PIBF1: variants seen among roughly 807,000 people sequenced by gnomAD.
PIBF1 encodes the protein progesterone immunomodulatory binding factor 1, also known as progesterone-induced-blocking factor 1.
A neutral mutation model predicts 112.5 loss-of-function variants in PIBF1; 90 were observed. That is an observed-to-expected ratio of 0.80 (90% CI 0.67 to 0.95). The LOEUF is 0.95. PIBF1 is among the 40% of genes least tolerant of loss of function. The pLI is 0.00. For missense variants in PIBF1, 915 were observed against 852.3 expected, an observed-to-expected ratio of 1.07 and a Z score of -0.92; for synonymous variants, 301 against 288.6, an observed-to-expected ratio of 1.04 and a Z score of -0.44.
intron 15 of PIBF1, among the ~76,000 whole-genome samples, chr13:72,971,187 T>A (rs866842388): frequency 1.8e-5 from 2 of 111,608 alleles, no homozygotes; most frequent in Non-Finnish European, 3.8e-5. Flanking sequence ...AGAGAGTGAG[T>A]GTGTGTGTGT....
chr13:72,954,427 C>A (rs115992267), intron 14 of PIBF1, among the ~76,000 whole-genome samples: 1 of 152,168 alleles, frequency 6.6e-6, no homozygotes, highest in African/African-American at 2.4e-5. Context: ...AATCATATTG[C>A]GAATCTCAGG....
At chr13:72,935,584 CGTAGGTGT>C (rs2041846334) in intron 14 of PIBF1, among the ~76,000 whole-genome samples, 1 of 152,076 alleles carries the variant, frequency 6.6e-6, no homozygotes, top group African/African-American at 2.4e-5. Context: ...CGGATCATAT[CGTAGGTGT>C]CTATTTGACA....
At chr13:72,893,311 A>G (rs2040133920) in intron 10 of PIBF1, among the ~76,000 whole-genome samples, 1 of 151,904 alleles carries the variant, frequency 6.6e-6, no homozygotes, top group Non-Finnish European at 1.5e-5. Flanking sequence ...ATATCAAAAT[A>G]TATGTATATG....
chr13:72,998,878 C>G lies in PIBF1; in HGVS notation c.2106C>G (p.Asn702Lys). 2 of 1,611,016 alleles carry G rather than the reference C, an allele frequency of 1.2e-6. No homozygotes were observed. The highest frequency in any genetic ancestry group is 2.2e-5 in the East Asian group (1 of 44,692). Residue 702 changes from asparagine to lysine, a missense_variant, in exon 17 of 18, where the codon AAC becomes AAG. Asn to Lys is a moderately conservative substitution (Grantham distance 94, BLOSUM62 0). Coordinates refer to ENST00000326291, the MANE Select transcript of PIBF1 (RefSeq NM_006346.4). ...LVKMHSKHSE[N>K]SLLLTKTEPK... ...AGATGCATAGTAAACATTCTGAGAACAGCTTACTTCTCACTAAAACAGAAC... is the reference window on the plus strand; with the variant it reads ...AGATGCATAGTAAACATTCTGAGAAGAGCTTACTTCTCACTAAAACAGAAC...
chr13:72,880,986 A>G (rs958168043), intron 10 of PIBF1: 18 of 152,212 alleles, frequency 1.2e-4, no homozygotes, highest in African/African-American at 4.3e-4. Context: ...CTGTTATTCA[A>G]CATTGTACTA....
intron 17 of PIBF1, among the ~76,000 whole-genome samples, chr13:73,001,376 G>A (rs936138935): frequency 6.6e-6 from 1 of 152,054 alleles, no homozygotes; most frequent in African/African-American, 2.4e-5. Flanking sequence ...TACCTAAAAT[G>A]AAAACATTTC....
chr13:72,954,939 G>T (rs1172983586), intron 14 of PIBF1, among the ~76,000 whole-genome samples: 1 of 152,182 alleles, frequency 6.6e-6, no homozygotes, highest in African/African-American at 2.4e-5. Context: ...CCCAGTATCT[G>T]CAGGTCACAG....
intron 5 of PIBF1, among the ~76,000 whole-genome samples, chr13:72,801,573 A>G (rs2035475788): frequency 6.6e-6 from 1 of 152,212 alleles, no homozygotes; most frequent in Non-Finnish European, 1.5e-5. Flanking sequence ...TCATAACTGC[A>G]TAAAATTAGC....
chr13:73,002,286 C>T (rs936749132), intron 17 of PIBF1, among the ~76,000 whole-genome samples: 10 of 152,160 alleles, frequency 6.6e-5, no homozygotes, highest in African/African-American at 2.2e-4. Flanking sequence ...TTAAAGTAAA[C>T]TACAGGGAGA....
At chr13:72,836,023 G>A (rs960516980) in intron 9 of PIBF1, 15 of 399,860 alleles carry the variant, frequency 3.8e-5, no homozygotes, top group Non-Finnish European at 6.9e-5. Context: ...GGCATGAACC[G>A]GGGACACAGA....
chr13:73,016,381 T>G lies in PIBF1; in HGVS notation c.*462T>G, dbSNP rs1338339746. ...ATACAGATTGTTGACTCTTTTGAAGTTGTTTTTTTCTTATATTTTATATTA... is the reference window on the plus strand; with the variant it reads ...ATACAGATTGTTGACTCTTTTGAAGGTGTTTTTTTCTTATATTTTATATTA... On this transcript the variant is annotated 3_prime_UTR_variant, in exon 18 of 18. Coordinates refer to ENST00000326291, the MANE Select transcript of PIBF1 (RefSeq NM_006346.4). 2 of 152,188 alleles carry G rather than the reference T, an allele frequency of 1.3e-5. No homozygotes were observed. The highest frequency in any genetic ancestry group is 6.5e-5 in the Admixed American group (1 of 15,272). The allele number at this position is 152,188 out of a possible 1,614,324, so 9.4% of individuals were successfully genotyped here.
At chr13:72,885,829 G>T (rs1433189092) in intron 10 of PIBF1, among the ~76,000 whole-genome samples, 1 of 151,974 alleles carries the variant, frequency 6.6e-6, no homozygotes, top group Non-Finnish European at 1.5e-5. Context: ...GGAGTCATCC[G>T]CATCCTTAGA....
rs141019060 is a variant in PIBF1 at position 72,943,249 on chromosome 13, C to T, written c.1833+11982C>T. Among the ~76,000 whole-genome samples the T allele has an allele frequency of 6.9e-3, 1,050 of 152,060 alleles. 14 individuals carry two copies. The highest frequency in any genetic ancestry group is 0.024 in the African/African-American group (1,013 of 41,482). ...AGAGAGGGTGGTTAATGGATGCAAA[C>T]ATAAAGTTAGATAGAAGGAATGAGT... On this transcript the variant is annotated intron_variant, in intron 14 of 17. Coordinates refer to ENST00000326291, the MANE Select transcript of PIBF1 (RefSeq NM_006346.4).
chr13:72,786,018 A>G (rs2034579633), intron 2 of PIBF1, among the ~76,000 whole-genome samples: 1 of 152,194 alleles, frequency 6.6e-6, no homozygotes, highest in East Asian at 1.9e-4. Flanking sequence ...CAGCCTTACT[A>G]AATTCCTTAA....
intron 15 of PIBF1, among the ~76,000 whole-genome samples, chr13:72,967,303 C>G (rs1018312350): frequency 5.3e-5 from 8 of 151,938 alleles, no homozygotes; most frequent in Non-Finnish European, 8.8e-5. Flanking sequence ...TATAAAAATC[C>G]TGAGGAAAAA....
At chr13:72,814,699 C>T (rs1461463877) in intron 5 of PIBF1, among the ~76,000 whole-genome samples, 1 of 151,008 alleles carries the variant, frequency 6.6e-6, no homozygotes, top group South Asian at 2.1e-4. Context: ...TAAAGCTATG[C>T]CAAAGGAAAA....
intron 5 of PIBF1, among the ~76,000 whole-genome samples, chr13:72,819,682 G>A (rs770232278): frequency 1.3e-5 from 2 of 151,998 alleles, no homozygotes; most frequent in African/African-American, 4.8e-5. Flanking sequence ...AGTCGACAAT[G>A]TATATAAAAT....
At chr13:72,911,791 A>G (rs541161932) in intron 12 of PIBF1, among the ~76,000 whole-genome samples, 1 of 152,286 alleles carries the variant, frequency 6.6e-6, no homozygotes, top group African/African-American at 2.4e-5. Context: ...TAAACAAAAG[A>G]AAATGATACC....
chr13:72,960,339 A>C (rs2042571719), intron 14 of PIBF1, among the ~76,000 whole-genome samples: 1 of 152,150 alleles, frequency 6.6e-6, no homozygotes, highest in Admixed American at 6.6e-5. Context: ...TGAGTCTGGG[A>C]GGTCGAGGCT....
Sources: gnomAD v4.1 joint callset for allele counts (sites outside exome capture counted in the v4.1 genomes callset) on GRCh38, gnomAD v4.1.1 for gene constraint, MANE v1.5 for transcripts, NCBI Gene and HGNC (gene_info 2026-07-23, HGNC 2026-07-21) for gene names.